The following AFMID variants were observed in gnomAD, a reference collection of about 807,000 sequenced individuals.
AFMID encodes the protein arylformamidase.
In AFMID, 39 loss-of-function variants were observed where a neutral mutation model predicts 47.5. That is an observed-to-expected ratio of 0.82 (90% CI 0.64 to 1.07). AFMID has a LOEUF of 1.07. Ranked by LOEUF, AFMID falls within the 50% of genes least tolerant of loss-of-function variation. The pLI is 0.00. For synonymous variants in AFMID, 130 were observed against 153.2 expected, an observed-to-expected ratio of 0.85 and a Z score of 1.12; for missense variants, 375 against 387.5, an observed-to-expected ratio of 0.97 and a Z score of 0.27.
In AFMID at chr17:78,205,273, C is replaced by T. The variant is rs1343744268; in HGVS notation, c.565+83C>T. 3 of 1,481,440 alleles carry T rather than the reference C, an allele frequency of 2.0e-6. No homozygotes were observed. In the African/African-American group the frequency reaches 4.2e-5, roughly 21 times the overall value. The allele number at this position is 1,481,440 out of a possible 1,614,324, so 91.8% of individuals were successfully genotyped here. On this transcript the variant is annotated intron_variant, in intron 7 of 10. Transcript: ENST00000409257. ...GTTTGGGCCAACTGCTTGAAATCCT[C>T]CCGGCCATGAGTGGCTTGACCGCAG...
chr17:78,192,165 A>T (rs1424734252), intron 2 of AFMID, among the ~76,000 whole-genome samples: 1 of 146,514 alleles, frequency 6.8e-6, no homozygotes, highest in East Asian at 2.0e-4. Context: ...CGCCCTGCTA[A>T]GTGTTTTGTA....
intron 2 of AFMID, among the ~76,000 whole-genome samples, chr17:78,199,660 G>T (rs987428816): frequency 1.6e-5 from 2 of 128,454 alleles, no homozygotes; most frequent in East Asian, 5.4e-4. Flanking sequence ...GGTGTGCGCC[G>T]CCGCGCCCGG....
chr17:78,194,720 T>G (rs1475808962), intron 2 of AFMID, among the ~76,000 whole-genome samples: 1 of 151,964 alleles, frequency 6.6e-6, no homozygotes, highest in Admixed American at 6.6e-5. Flanking sequence ...TAAGACGGAG[T>G]TTTGCTCTTG....
Position 78,202,687 on chromosome 17 carries a change from G to A in AFMID, c.260-16G>A, listed in dbSNP as rs751363189. ...AGGGCGGGCCTTGCTCACACGCCCT[G>A]TGCTTGGTTTTGCAGCCTTGCCTTT... On this transcript the variant is annotated splice_polypyrimidine_tract_variant and intron_variant, in intron 3 of 10. Coordinates refer to ENST00000409257, the MANE Select transcript of AFMID (RefSeq NM_001010982.5). 2.6e-6 allele frequency: 4 copies of A among 1,563,928 alleles called. No homozygotes were observed. The South Asian group carries it at 3.5e-5, about 14-fold the overall frequency.
chr17:78,201,572 T>C lies in AFMID; in HGVS notation c.155-927T>C, dbSNP rs368672733. On this transcript the variant is annotated intron_variant, in intron 2 of 10. Coordinates refer to ENST00000409257, the MANE Select transcript of AFMID (RefSeq NM_001010982.5). ...AGTTTGAGACTGTAGTATGCTTTGA[T>C]TGCACCTGTGAATAGCCACTGTACT... Among the ~76,000 whole-genome samples the C allele has an allele frequency of 2.0e-5, 3 of 151,864 alleles. No homozygotes were observed. In the East Asian group the frequency reaches 5.9e-4, roughly 30 times the overall value.
intron 2 of AFMID, among the ~76,000 whole-genome samples, chr17:78,200,696 T>C (rs1184662065): frequency 6.6e-6 from 1 of 152,162 alleles, no homozygotes; most frequent in Non-Finnish European, 1.5e-5. Flanking sequence ...AAAAGAGGCA[T>C]TGGCAGAGTG....
intron 2 of AFMID, among the ~76,000 whole-genome samples, chr17:78,195,968 C>A (rs2076101801): frequency 6.6e-6 from 1 of 152,174 alleles, no homozygotes; most frequent in Non-Finnish European, 1.5e-5. Context: ...GCCTCAGCCA[C>A]CCAAGTAGCT....
Position 78,187,521 on chromosome 17 carries a change from C to G in AFMID, c.63+88C>G, listed in dbSNP as rs73999670. 63 of 1,494,832 alleles carry G rather than the reference C, an allele frequency of 4.2e-5. 1 individual carries two copies. Among genetic ancestry groups the G allele is most frequent in the Non-Finnish European group, 5.8e-5 (62 of 1,077,272 alleles). The allele number at this position is 1,494,832 out of a possible 1,614,324, so 92.6% of individuals were successfully genotyped here. On this transcript the variant is annotated intron_variant, in intron 1 of 10. Coordinates refer to ENST00000409257, the MANE Select transcript of AFMID (RefSeq NM_001010982.5). ...AATTCCAAGAAGGAAGCTTAGAAGC[C>G]GTCTAGAGCACTCCTGTGGGCATGC...
At chr17:78,205,297 A>C in intron 7 of AFMID, 107 bp downstream of exon 7, 1 of 1,415,670 alleles carries the variant, frequency 7.1e-7, no homozygotes, top group Non-Finnish European at 9.9e-7. Flanking sequence ...GCTTGACCGC[A>C]GGGCTTCGAG....
At chr17:78,187,960 CAAAAAAAAAAAA>C (rs34018698) in intron 1 of AFMID, among the ~76,000 whole-genome samples, 4 of 56,662 alleles carry the variant, frequency 7.1e-5, no homozygotes, top group Admixed American at 2.2e-4. Context: ...GACTTAGTCT[CAAAAAAAAAAAA>C]AAAAAAAAAA....
chr17:78,195,187 T>G (rs1013494144), intron 2 of AFMID, among the ~76,000 whole-genome samples: 4 of 138,462 alleles, frequency 2.9e-5, no homozygotes, highest in African/African-American at 1.1e-4. Context: ...GGGGACAGTT[T>G]CTTTCTTTTT....
Position 78,205,970 on chromosome 17 carries a change from G to C in AFMID, c.805G>C (p.Ala269Pro). ...GACCCTGTGTCAAGGAGAGTGGAAAGCCTCATTTGAAGAGCTCCACGATGT... is the reference window on the plus strand; with the variant it reads ...GACCCTGTGTCAAGGAGAGTGGAAACCCTCATTTGAAGAGCTCCACGATGT... ...YQTLCQGEWK[A>P]SFEELHDVDH... is the part of the protein sequence containing the mutation. The change falls in exon 10 of 11, where the codon GCC becomes CCC. Residue 269 changes from alanine to proline, a missense_variant. Coordinates refer to ENST00000409257, the MANE Select transcript of AFMID (RefSeq NM_001010982.5). 1 of 1,614,074 alleles carries C rather than the reference G, an allele frequency of 6.2e-7. No homozygotes were observed. Among genetic ancestry groups the C allele is most frequent in the Non-Finnish European group, 8.5e-7 (1 of 1,180,010 alleles).
chr17:78,191,921 C>T (rs949979160), intron 2 of AFMID, among the ~76,000 whole-genome samples: 2 of 152,120 alleles, frequency 1.3e-5, no homozygotes, highest in Non-Finnish European at 2.9e-5. Context: ...CTCTTGACCT[C>T]GTGATCTGGC....
rs917422777 is a variant in AFMID at position 78,204,823 on chromosome 17, TGCAG to T, written c.395-1_397del. The T allele has an allele frequency of 1.2e-6, 2 of 1,614,242 alleles. 1 individual carries two copies. Among genetic ancestry groups the T allele is most frequent in the African/African-American group, 2.7e-5 (2 of 75,070 alleles). On this transcript the variant is annotated splice_acceptor_variant and splice_polypyrimidine_tract_variant and intron_variant, in intron 5 of 10. Coordinates refer to ENST00000409257, the MANE Select transcript of AFMID (RefSeq NM_001010982.5). LOFTEE classifies it high-confidence loss of function. Reference sequence around the variant, plus strand: ...TCCCTGACCCAGCTCATGCTCTCTGTGCAGGCACCCTGGACCACATGGTAGACCA... The same window carrying T: ...TCCCTGACCCAGCTCATGCTCTCTGTGCACCCTGGACCACATGGTAGACCA...
At chr17:78,191,144 G>C in intron 2 of AFMID, 84 bp downstream of exon 2, 1 of 1,211,380 alleles carries the variant, frequency 8.3e-7, no homozygotes, top group Non-Finnish European at 1.2e-6. Flanking sequence ...TGGGGGGGCT[G>C]TGCTGCACCA....
At chr17:78,193,188 G>C (rs1442225982) in intron 2 of AFMID, among the ~76,000 whole-genome samples, 1 of 151,704 alleles carries the variant, frequency 6.6e-6, no homozygotes, top group Non-Finnish European at 1.5e-5. Context: ...TGGCTAACAC[G>C]GTGAAACCCC....
intron 2 of AFMID, among the ~76,000 whole-genome samples, chr17:78,194,539 TC>T (rs1318017541): frequency 6.6e-6 from 1 of 152,190 alleles, no homozygotes; most frequent in Non-Finnish European, 1.5e-5. Flanking sequence ...CTCATCCCCA[TC>T]AAGGCCTGGC....
rs1377195584 is a variant in AFMID at position 78,196,686 on chromosome 17, A to G, written c.154+5626A>G. Among the ~76,000 whole-genome samples the G allele has an allele frequency of 2.0e-5, 3 of 152,204 alleles. No homozygotes were observed. The East Asian group carries it at 5.8e-4, about 29-fold the overall frequency. On this transcript the variant is annotated intron_variant, in intron 2 of 10. Coordinates refer to ENST00000409257, the MANE Select transcript of AFMID (RefSeq NM_001010982.5). ...AAAGAATGAAACTCCATCTGAAAAA[A>G]AAAACCCAGAAATTATTTCTAACCC...
intron 1 of AFMID, chr17:78,190,649 C>A: frequency 4.2e-6 from 1 of 237,320 alleles, no homozygotes; most frequent in East Asian, 9.9e-5. Context: ...GCCTCAGGCT[C>A]CCAAAGTGCT....
Sources: allele counts gnomAD v4.1 joint callset (sites outside exome capture counted in the v4.1 genomes callset), GRCh38; gene constraint gnomAD v4.1.1; transcripts MANE v1.5; gene names NCBI Gene and HGNC (gene_info 2026-07-23, HGNC 2026-07-21).